Variants in NCAM1 observed in about 807,000 individuals in gnomAD.
NCAM1 encodes the protein neural cell adhesion molecule 1, also known as antigen recognized by monoclonal antibody 5.1H11.
NCAM1 carries 14 observed loss-of-function variants against 109.8 expected under a neutral mutation model. That is an observed-to-expected ratio of 0.13 (90% CI 0.08 to 0.20). The LOEUF is 0.20. Among genes scored for constraint, NCAM1 ranks in the 10% least tolerant of loss-of-function variants. NCAM1 has a pLI of 1.00. For missense variants in NCAM1, 774 were observed against 1,109.9 expected, an observed-to-expected ratio of 0.70 and a Z score of 4.30; for synonymous variants, 418 against 442.9, an observed-to-expected ratio of 0.94 and a Z score of 0.70.
intron 1 of NCAM1, among the ~76,000 whole-genome samples, chr11:112,983,920 A>T (rs1415417029): frequency 6.6e-6 from 1 of 151,954 alleles, no homozygotes; most frequent in Admixed American, 6.6e-5. Context: ...GAGTTCTTAA[A>T]GTCTACTGTC....
In NCAM1 at chr11:113,276,154, C is replaced by T. The variant is rs542969347; in HGVS notation, c.*767C>T. The T allele has an allele frequency of 2.0e-5, 3 of 152,318 alleles. No homozygotes were observed. Among genetic ancestry groups the T allele is most frequent in the Non-Finnish European group, 4.4e-5 (3 of 68,006 alleles). The allele number at this position is 152,318 out of a possible 1,614,324, so 9.4% of individuals were successfully genotyped here. A position where few individuals can be genotyped will look rare whatever the true frequency, so the allele number is the denominator to read the frequency against. ...TTGACTTTGGTTGTGTTTAAATGTC[C>T]GTGTAAAATAGCTGCCTTTTATTTT... On this transcript the variant is annotated 3_prime_UTR_variant, in exon 20 of 20. Transcript: ENST00000316851.
intron 1 of NCAM1, among the ~76,000 whole-genome samples, chr11:113,181,780 A>G (rs1943342285): frequency 1.3e-5 from 2 of 152,190 alleles, no homozygotes; most frequent in Non-Finnish European, 2.9e-5. Flanking sequence ...AGAAGCAACC[A>G]GGGGTCCTGG....
chr11:113,128,225 T>A (rs1555097525), intron 1 of NCAM1, among the ~76,000 whole-genome samples: 1 of 152,208 alleles, frequency 6.6e-6, no homozygotes, highest in Non-Finnish European at 1.5e-5. Flanking sequence ...CTTGCGTGCA[T>A]CACAGAACGG....
intron 17 of NCAM1, among the ~76,000 whole-genome samples, chr11:113,266,426 T>C (rs1203438430): frequency 1.5e-4 from 23 of 152,208 alleles, no homozygotes; most frequent in Admixed American, 1.5e-3. Flanking sequence ...CTCTTTGTTT[T>C]CTCTTGATCC....
At chr11:113,060,458 C>T (rs1555083296) in intron 1 of NCAM1, among the ~76,000 whole-genome samples, 1 of 152,102 alleles carries the variant, frequency 6.6e-6, no homozygotes, top group East Asian at 1.9e-4. Flanking sequence ...GGTACGTGTA[C>T]ATTTCTTTTA....
At chr11:113,020,280 T>C (rs1555076017) in intron 1 of NCAM1, among the ~76,000 whole-genome samples, 1 of 152,230 alleles carries the variant, frequency 6.6e-6, no homozygotes, top group African/African-American at 2.4e-5. Context: ...CTACCTCATT[T>C]GACCATCAGG....
chr11:113,264,666 A>G (rs1946097354), intron 17 of NCAM1: 2 of 985,468 alleles, frequency 2.0e-6, no homozygotes, highest in Non-Finnish European at 2.4e-6. Flanking sequence ...CACCCACAGG[A>G]GAGGGGCAGT....
At chr11:113,198,881 G>A (rs150132102) in intron 1 of NCAM1, among the ~76,000 whole-genome samples, 12 of 152,268 alleles carry the variant, frequency 7.9e-5, no homozygotes, top group Non-Finnish European at 1.6e-4. Flanking sequence ...CAATTTCCAC[G>A]TTCATACAGT....
chr11:113,056,706 G>A (rs1393284682), intron 1 of NCAM1, among the ~76,000 whole-genome samples: 2 of 152,156 alleles, frequency 1.3e-5, no homozygotes, highest in Non-Finnish European at 2.9e-5. Context: ...TTCCCTAGAT[G>A]AGCCTCAGAT....
In NCAM1 at chr11:113,088,696, G is replaced by C. The variant is rs375296279; in HGVS notation, c.53-113683G>C. The stretch of plus-strand genomic sequence containing the variant: ...AGATGGACTTTTATAGGCTACAGGT[G>C]TATGTAGGAAATTTGTCATATTTCT... On this transcript the variant is annotated intron_variant, in intron 1 of 19. Coordinates refer to ENST00000316851, the MANE Select transcript of NCAM1 (RefSeq NM_181351.5). Among the ~76,000 whole-genome samples, 14 of 152,296 alleles carry C rather than the reference G, an allele frequency of 9.2e-5. No individual in the cohort carries two copies. In the East Asian group the frequency reaches 2.5e-3, roughly 27 times the overall value.
intron 14 of NCAM1, chr11:113,240,706 T>G: frequency 1.5e-6 from 2 of 1,332,708 alleles, no homozygotes; most frequent in South Asian, 2.4e-5. Flanking sequence ...GCCCCAGGGT[T>G]GTTGCTTCCA....
At chr11:113,004,365 T>TGCCTGTAATCCCAGCTACTCGG (rs1203880526) in intron 1 of NCAM1, among the ~76,000 whole-genome samples, 3 of 152,056 alleles carry the variant, frequency 2.0e-5, no homozygotes, top group Non-Finnish European at 4.4e-5. Context: ...TGGTGGCACG[T>TGCCTGTAATCCCAGCTACTCGG]GCCTGTAATC....
chr11:113,174,674 A>G (rs921405185), intron 1 of NCAM1, among the ~76,000 whole-genome samples: 1 of 152,200 alleles, frequency 6.6e-6, no homozygotes, highest in Non-Finnish European at 1.5e-5. Context: ...TGAAAAATTC[A>G]TATATAGTAT....
At chr11:113,055,631 T>G (rs1208604809) in intron 1 of NCAM1, among the ~76,000 whole-genome samples, 1 of 152,154 alleles carries the variant, frequency 6.6e-6, no homozygotes, top group Non-Finnish European at 1.5e-5. Flanking sequence ...ATGGCCCCTG[T>G]GATCCCCACC....
chr11:113,195,292 T>C (rs1289299982), intron 1 of NCAM1, among the ~76,000 whole-genome samples: 1 of 152,180 alleles, frequency 6.6e-6, no homozygotes, highest in Non-Finnish European at 1.5e-5. Flanking sequence ...TCCCTAATAA[T>C]GTATTGGTTC....
At chr11:113,123,970 G>A (rs1360638273) in intron 1 of NCAM1, among the ~76,000 whole-genome samples, 1 of 152,170 alleles carries the variant, frequency 6.6e-6, no homozygotes, top group Non-Finnish European at 1.5e-5. Flanking sequence ...GGGTGGTTGG[G>A]GGACTCAGGG....
chr11:113,073,353 G>C (rs1434050619), intron 1 of NCAM1, among the ~76,000 whole-genome samples: 1 of 152,152 alleles, frequency 6.6e-6, no homozygotes, highest in Non-Finnish European at 1.5e-5. Context: ...TCCAAGATGT[G>C]TTAACCAAAC....
chr11:113,163,183 G>A (rs571940108), intron 1 of NCAM1, among the ~76,000 whole-genome samples: 29 of 152,294 alleles, frequency 1.9e-4, no homozygotes, highest in Non-Finnish European at 3.7e-4. Flanking sequence ...CCCTCCAGAA[G>A]AAAGGCAGAG....
At chr11:113,189,289 A>C (rs1443199049) in intron 1 of NCAM1, among the ~76,000 whole-genome samples, 3 of 151,936 alleles carry the variant, frequency 2.0e-5, no homozygotes, top group Non-Finnish European at 2.9e-5. Context: ...GTCTGTACTA[A>C]AAATGCAAAA....
Sources: gnomAD v4.1 joint callset for allele counts (sites outside exome capture counted in the v4.1 genomes callset) on GRCh38, gnomAD v4.1.1 for gene constraint, MANE v1.5 for transcripts, NCBI Gene and HGNC (gene_info 2026-07-23, HGNC 2026-07-21) for gene names.